The following SNX9 variants were observed in gnomAD, a reference collection of about 807,000 sequenced individuals.
SNX9 encodes the protein sorting nexin-9.
SNX9 carries 44 observed loss-of-function variants against 89.4 expected under a neutral mutation model. The ratio of observed to expected loss-of-function variants is 0.49; its 90% CI spans 0.39 to 0.63. SNX9 has a LOEUF of 0.63. Ranked by LOEUF, SNX9 falls within the 30% of genes least tolerant of loss-of-function variation. The pLI is 0.00. For missense variants in SNX9, 578 were observed against 736.1 expected (o/e 0.79, Z 2.49); for synonymous variants, 236 against 247.8 (o/e 0.95, Z 0.45).
At chr6:157,887,543 G>A (rs919144678) in intron 4 of SNX9, among the ~76,000 whole-genome samples, 12 of 152,112 alleles carry the variant, frequency 7.9e-5, no homozygotes, top group African/African-American at 2.4e-4. Context: ...TGCCTGCTCC[G>A]TGTCCTGGAG....
intron 12 of SNX9, among the ~76,000 whole-genome samples, chr6:157,930,857 T>C (rs1055030711): frequency 4.6e-5 from 7 of 152,256 alleles, no homozygotes; most frequent in African/African-American, 7.2e-5. Flanking sequence ...CTGTAAACTC[T>C]TGCAAGACCA....
chr6:157,939,463 G>A (rs3805784), intron 16 of SNX9, among the ~76,000 whole-genome samples: 16,177 of 152,206 alleles, frequency 0.11, 928 homozygotes, highest in South Asian at 0.18. Flanking sequence ...AGGATTTGCT[G>A]GTTATGGAGG....
intron 2 of SNX9, among the ~76,000 whole-genome samples, chr6:157,872,236 A>G (rs1033599717): frequency 2.0e-5 from 3 of 152,190 alleles, no homozygotes; most frequent in Non-Finnish European, 4.4e-5. Context: ...AAGGATAGCA[A>G]CTTCTATTCT....
chr6:157,904,998 A>T (rs932018349), intron 6 of SNX9, among the ~76,000 whole-genome samples: 2 of 152,228 alleles, frequency 1.3e-5, no homozygotes, highest in African/African-American at 4.8e-5. Flanking sequence ...CTGAGTACAT[A>T]CTAGGTTCTT....
At chr6:157,835,412 CTTTTTTTTT>C (rs757017383) in intron 1 of SNX9, among the ~76,000 whole-genome samples, 26 of 130,742 alleles carry the variant, frequency 2.0e-4, no homozygotes, top group Admixed American at 1.8e-3. Flanking sequence ...CATTCCCCTT[CTTTTTTTTT>C]TTTTTTTTTT....
At chr6:157,891,027 C>CTTTTTTTTTT (rs67186551) in intron 4 of SNX9, among the ~76,000 whole-genome samples, 10 of 114,920 alleles carry the variant, frequency 8.7e-5, no homozygotes, top group South Asian at 3.0e-4. Flanking sequence ...TTTTCTTTCT[C>CTTTTTTTTTT]TTTTTTTTTT....
intron 1 of SNX9, among the ~76,000 whole-genome samples, chr6:157,856,700 GTTGGGAT>G (rs1344536824): frequency 6.6e-6 from 1 of 152,094 alleles, no homozygotes; most frequent in African/African-American, 2.4e-5. Flanking sequence ...GGACGTATTT[GTTGGGAT>G]GGATTTCTGT....
chr6:157,825,396 C>T (rs576157569), intron 1 of SNX9, among the ~76,000 whole-genome samples: 2 of 152,322 alleles, frequency 1.3e-5, no homozygotes, highest in South Asian at 4.1e-4. Context: ...AGTTTAGCAA[C>T]TAGTGCAGGT....
intron 4 of SNX9, among the ~76,000 whole-genome samples, chr6:157,879,395 T>A (rs1782582197): frequency 6.6e-6 from 1 of 152,188 alleles, no homozygotes; most frequent in Non-Finnish European, 1.5e-5. Flanking sequence ...TGGGTAATGT[T>A]ATCTTTCTTG....
In SNX9 at chr6:157,906,204, C is replaced by G. The variant is rs770107167; in HGVS notation, c.697C>G (p.Pro233Ala). The G allele has an allele frequency of 1.9e-6, 3 of 1,601,930 alleles. No homozygotes were observed. The highest frequency in any genetic ancestry group is 2.6e-6 in the Non-Finnish European group (3 of 1,176,454). The change falls in exon 7 of 18, where the codon CCC becomes GCC. Residue 233 changes from proline (P) to alanine (A), a missense_variant. Transcript: ENST00000392185. Reference sequence around the variant, plus strand: ...ACTAGCAAAACCCAAAGAGAAAATTCCCATCATTGTAAGTTTGTTTATTTT... The same window carrying G: ...ACTAGCAAAACCCAAAGAGAAAATTGCCATCATTGTAAGTTTGTTTATTTT... ...KQLAKPKEKI[P>A]IIVGDYGPMW... is the part of the protein sequence containing the mutation.
chr6:157,888,409 C>T (rs1026092861), intron 4 of SNX9, among the ~76,000 whole-genome samples: 1 of 152,072 alleles, frequency 6.6e-6, no homozygotes, highest in African/African-American at 2.4e-5. Context: ...TGAAGATAAC[C>T]CATTGCTACA....
At chr6:157,887,341 C>T (rs1782755410) in intron 4 of SNX9, among the ~76,000 whole-genome samples, 1 of 152,138 alleles carries the variant, frequency 6.6e-6, no homozygotes, top group Non-Finnish European at 1.5e-5. Context: ...AGGGGTTGCA[C>T]TCTTGATTCA....
At chr6:157,914,201 G>A (rs750230437) in intron 9 of SNX9, among the ~76,000 whole-genome samples, 7 of 152,134 alleles carry the variant, frequency 4.6e-5, no homozygotes, top group Non-Finnish European at 1.0e-4. Flanking sequence ...TAGGTATGCA[G>A]TGGTATCTCA....
intron 1 of SNX9, among the ~76,000 whole-genome samples, chr6:157,861,301 T>C (rs1162565518): frequency 1.3e-5 from 2 of 152,222 alleles, no homozygotes; most frequent in Non-Finnish European, 1.5e-5. Context: ...CTTTGGAAAT[T>C]TTAAGAGCAA....
chr6:157,927,223 C>A lies in SNX9; in HGVS notation c.1184+9C>A. On this transcript the variant is annotated intron_variant, in intron 11 of 17. Coordinates refer to ENST00000392185, the MANE Select transcript of SNX9 (RefSeq NM_016224.5). The stretch of plus-strand genomic sequence containing the variant: ...TTGGACTTAGTAGAAATGTGAGAGA[C>A]GCTGCCAGGTTTTCTTTCTTCTCAA... 6.3e-7 allele frequency: 1 copy of A among 1,588,110 alleles called. No individual in the cohort carries two copies. The highest frequency in any genetic ancestry group is 8.6e-7 in the Non-Finnish European group (1 of 1,156,574).
chr6:157,870,097 G>A (rs551788380), intron 2 of SNX9, among the ~76,000 whole-genome samples: 3 of 141,076 alleles, frequency 2.1e-5, no homozygotes, highest in South Asian at 2.3e-4. Context: ...GCCCTCATCC[G>A]CACTCATGCT....
chr6:157,942,720 TG>T, intron 17 of SNX9, 70 bp from the exon 18 acceptor site: 1 of 1,499,580 alleles, frequency 6.7e-7, no homozygotes, highest in African/African-American at 1.4e-5. Context: ...GTTGGAGTTG[TG>T]AATAAAGAAC....
intron 4 of SNX9, 91 bp downstream of exon 4, chr6:157,875,267 AT>A: frequency 6.9e-7 from 1 of 1,447,236 alleles, no homozygotes; most frequent in Non-Finnish European, 9.1e-7. Flanking sequence ...AGCTATTGCC[AT>A]TCCCCAAAAG....
chr6:157,886,910 T>A (rs539642399), intron 4 of SNX9, among the ~76,000 whole-genome samples: 4 of 152,278 alleles, frequency 2.6e-5, no homozygotes, highest in South Asian at 2.1e-4. Flanking sequence ...TGGAAGCCCA[T>A]TCAAGCTGAG....
Sources: allele counts gnomAD v4.1 joint callset (sites outside exome capture counted in the v4.1 genomes callset), GRCh38; gene constraint gnomAD v4.1.1; transcripts MANE v1.5; gene names NCBI Gene and HGNC (gene_info 2026-07-23, HGNC 2026-07-21).